HMGXB4: variants seen among roughly 807,000 people sequenced by gnomAD.
HMGXB4 encodes the protein HMG-box containing 4.
Under a neutral mutation model 63.9 loss-of-function variants are expected in HMGXB4, and 27 were observed. That is an observed-to-expected ratio of 0.42 (90% CI 0.31 to 0.58). The LOEUF is 0.58. Ranked by LOEUF, HMGXB4 falls within the 20% of genes least tolerant of loss-of-function variation. HMGXB4 has a pLI of 0.13. For missense variants in HMGXB4, 624 were observed against 700.7 expected, an observed-to-expected ratio of 0.89 and a Z score of 1.24; for synonymous variants, 264 against 265.3, an observed-to-expected ratio of 0.99 and a Z score of 0.05.
chr22:35,272,035 C>T (rs144652586), intron 5 of HMGXB4, among the ~76,000 whole-genome samples: 2 of 152,222 alleles, frequency 1.3e-5, no homozygotes, highest in African/African-American at 4.8e-5. Context: ...CAGAATTTGG[C>T]TGGAACTTGG....
chr22:35,262,641 T>C (rs1922935155), intron 2 of HMGXB4: 1 of 583,516 alleles, frequency 1.7e-6, no homozygotes, highest in African/African-American at 1.9e-5. Context: ...AATATGAGTC[T>C]CTTAGTTTAT....
chr22:35,262,403 G>T lies in HMGXB4; in HGVS notation c.13G>T (p.Asp5Tyr). The T allele has an allele frequency of 6.2e-7, 1 of 1,614,070 alleles. No homozygotes were observed. Among genetic ancestry groups the T allele is most frequent in the South Asian group, 1.1e-5 (1 of 91,064 alleles). The change falls in exon 2 of 11, where the codon GAC becomes TAC. Residue 5 changes from aspartate to tyrosine, a missense_variant. This residue lies in a region of HMGXB4 where 472 missense variants were observed against 470.6 expected (regional missense o/e 1.00). Transcript: ENST00000216106. Reference sequence around the variant, plus strand: ...CTGCAGGACCACCATGGCTTATGATGACTCCGTGAAGAAAGAAGGTATGAC... The same window carrying T: ...CTGCAGGACCACCATGGCTTATGATTACTCCGTGAAGAAAGAAGGTATGAC... MAYD[D>Y]SVKKEDCFDG...
chr22:35,282,265 C>T (rs1232580650), intron 5 of HMGXB4, among the ~76,000 whole-genome samples: 3 of 152,222 alleles, frequency 2.0e-5, no homozygotes, highest in Non-Finnish European at 4.4e-5. Flanking sequence ...CAAGCTCCAC[C>T]TCCCGGGTTC....
Position 35,274,367 on chromosome 22 carries a change from C to T in HMGXB4, c.1215+8764C>T, listed in dbSNP as rs147267591. Among the ~76,000 whole-genome samples the T allele has an allele frequency of 3.3e-5, 5 of 152,226 alleles. No individual in the cohort carries two copies. The East Asian group carries it at 9.6e-4, about 29-fold the overall frequency. On this transcript the variant is annotated intron_variant, in intron 5 of 10. Transcript: ENST00000216106. Reference sequence around the variant, plus strand: ...GTTGATATGACTGAAGCAAAGTCAGCGAAAGGTATGTAGAAGGCAGGAAGA... The same window carrying T: ...GTTGATATGACTGAAGCAAAGTCAGTGAAAGGTATGTAGAAGGCAGGAAGA...
intron 5 of HMGXB4, among the ~76,000 whole-genome samples, chr22:35,266,761 T>C (rs905622240): frequency 2.0e-5 from 3 of 152,130 alleles, no homozygotes; most frequent in African/African-American, 7.2e-5. Context: ...GGCAGGTGGA[T>C]CCCTTGAGCC....
At chr22:35,282,144 C>T (rs776195170) in intron 5 of HMGXB4, among the ~76,000 whole-genome samples, 7 of 152,120 alleles carry the variant, frequency 4.6e-5, no homozygotes, top group Non-Finnish European at 8.8e-5. Context: ...ACAAAAGCCC[C>T]CAAGGGCTTT....
chr22:35,274,187 G>A (rs961748088), intron 5 of HMGXB4, among the ~76,000 whole-genome samples: 1 of 152,188 alleles, frequency 6.6e-6, no homozygotes. Flanking sequence ...GGAATGGCTG[G>A]CTTCCTGTGA....
upstream of HMGXB4, among the ~76,000 whole-genome samples, chr22:35,253,727 C>G (rs1922286239): frequency 6.6e-6 from 1 of 152,134 alleles, no homozygotes; most frequent in Admixed American, 6.5e-5. Flanking sequence ...TTCCAGGCCC[C>G]TAGGGACTGC....
At chr22:35,276,088 T>C (rs1041808565) in intron 5 of HMGXB4, among the ~76,000 whole-genome samples, 3 of 152,204 alleles carry the variant, frequency 2.0e-5, no homozygotes, top group African/African-American at 7.2e-5. Context: ...TAGAAAAATG[T>C]GCCATGGAAA....
At chr22:35,270,514 C>T (rs1017721046) in intron 5 of HMGXB4, among the ~76,000 whole-genome samples, 1 of 152,208 alleles carries the variant, frequency 6.6e-6, no homozygotes, top group Non-Finnish European at 1.5e-5. Context: ...TACCCCTGCC[C>T]CAGGTCCATG....
At chr22:35,275,163 A>G (rs973750917) in intron 5 of HMGXB4, among the ~76,000 whole-genome samples, 6 of 121,188 alleles carry the variant, frequency 5.0e-5, no homozygotes, top group Non-Finnish European at 6.3e-5. Context: ...CTTGTCGCCC[A>G]GGCTGTAGTA....
intron 1 of HMGXB4, among the ~76,000 whole-genome samples, chr22:35,258,791 A>G (rs1922636921): frequency 1.3e-5 from 2 of 152,188 alleles, no homozygotes; most frequent in Non-Finnish European, 2.9e-5. Context: ...TGAGTTCTTG[A>G]AAGGAGTGGT....
intron 5 of HMGXB4, among the ~76,000 whole-genome samples, chr22:35,282,273 T>A (rs974274208): frequency 6.6e-6 from 1 of 152,120 alleles, no homozygotes; most frequent in African/African-American, 2.4e-5. Flanking sequence ...ACCTCCCGGG[T>A]TCACACCATT....
upstream of HMGXB4, among the ~76,000 whole-genome samples, chr22:35,257,157 CA>C (rs1922459910): frequency 1.3e-5 from 2 of 152,192 alleles, no homozygotes; most frequent in African/African-American, 4.8e-5. Context: ...TTGGGGAAAG[CA>C]CTGCATTCAG....
chr22:35,252,756 CACTTTGGGAGG>C (rs1922240870), upstream of HMGXB4, among the ~76,000 whole-genome samples: 1 of 152,176 alleles, frequency 6.6e-6, no homozygotes, highest in Admixed American at 6.5e-5. Flanking sequence ...GTAATCCCAG[CACTTTGGGAGG>C]CCAAGGCGGG....
At chr22:35,267,468 G>T (rs1328964936) in intron 5 of HMGXB4, among the ~76,000 whole-genome samples, 1 of 152,204 alleles carries the variant, frequency 6.6e-6, no homozygotes, top group Non-Finnish European at 1.5e-5. Context: ...GAAGGTTTCA[G>T]TGGAAGTGGA....
At chr22:35,275,110 CTTTTTTTTTT>C (rs59290559) in intron 5 of HMGXB4, among the ~76,000 whole-genome samples, 11 of 103,532 alleles carry the variant, frequency 1.1e-4, no homozygotes, top group Admixed American at 1.1e-4. Flanking sequence ...CACCAAATTT[CTTTTTTTTTT>C]TTTTTTTTTT....
chr22:35,273,835 A>C (rs1229472546), intron 5 of HMGXB4, among the ~76,000 whole-genome samples: 1 of 152,246 alleles, frequency 6.6e-6, no homozygotes, highest in Non-Finnish European at 1.5e-5. Context: ...AAGAAGGACC[A>C]GTGAGATGAG....
the HMGXB4 span, among the ~76,000 whole-genome samples, chr22:35,251,541 T>C: frequency 2.6e-5 from 4 of 152,188 alleles, no homozygotes; most frequent in Admixed American, 2.0e-4. Context: ...ACAGGCCCTG[T>C]CCTTGAGGAA....
Sources: gnomAD v4.1 joint callset for allele counts (sites outside exome capture counted in the v4.1 genomes callset) on GRCh38, gnomAD v4.1.1 for gene constraint, gnomAD v4.1.1 regional missense constraint, MANE v1.5 for transcripts, NCBI Gene and HGNC (gene_info 2026-07-23, HGNC 2026-07-21) for gene names.